The following TMPRSS9 variants were observed in gnomAD, a reference collection of about 807,000 sequenced individuals.
TMPRSS9 encodes transmembrane serine protease 9, also known as transmembrane protease serine 9.
TMPRSS9 carries 113 observed loss-of-function variants against 111.4 expected under a neutral mutation model. That is an observed-to-expected ratio of 1.01 (90% confidence interval 0.87 to 1.19). TMPRSS9 has a LOEUF of 1.19. Among genes scored for constraint, TMPRSS9 ranks in the 50% most tolerant of loss-of-function variants. TMPRSS9 has a pLI of 0.00. For missense variants in TMPRSS9, 1,803 were observed against 1,513.1 expected (o/e 1.19, Z -3.18); for synonymous variants, 805 against 659.1 (o/e 1.22, Z -3.39).
intron 1 of TMPRSS9, among the ~76,000 whole-genome samples, chr19:2,362,847 G>A (rs1051862720): frequency 7.9e-5 from 12 of 151,652 alleles, no homozygotes; most frequent in African/African-American, 2.9e-4. Context: ...GGTGTGTGTG[G>A]TTGTGGTGTG....
At chr19:2,393,168 C>T (rs747048963) in intron 1 of TMPRSS9, among the ~76,000 whole-genome samples, 2 of 152,144 alleles carry the variant, frequency 1.3e-5, no homozygotes, top group Non-Finnish European at 1.5e-5. Context: ...GCTTGGGGAC[C>T]TTTTCACAGT....
intron 6 of TMPRSS9, among the ~76,000 whole-genome samples, chr19:2,403,692 A>G (rs1970904315): frequency 6.8e-6 from 1 of 146,880 alleles, no homozygotes; most frequent in Non-Finnish European, 1.5e-5. Flanking sequence ...CCCCATCTCT[A>G]CTAAAAAAAA....
intron 1 of TMPRSS9, among the ~76,000 whole-genome samples, chr19:2,378,326 T>A (rs1281270595): frequency 1.3e-5 from 2 of 152,208 alleles, no homozygotes; most frequent in African/African-American, 4.8e-5. Flanking sequence ...GACATGAGAC[T>A]TTCAGTGCTG....
intron 9 of TMPRSS9, among the ~76,000 whole-genome samples, chr19:2,410,741 T>G (rs900823071): frequency 4.6e-5 from 7 of 151,982 alleles, no homozygotes; most frequent in Admixed American, 2.6e-4. Context: ...CTGAGTAATC[T>G]CCCTGGCTAT....
chr19:2,389,696 C>T (rs975458298), upstream of TMPRSS9: 4 of 1,479,188 alleles, frequency 2.7e-6, no homozygotes, highest in Non-Finnish European at 3.6e-6. Context: ...GCAACCCTTG[C>T]TTATGGGAAG....
Position 2,408,355 on chromosome 19 carries a change from G to C in TMPRSS9, c.843-1G>C, listed in dbSNP as rs1369011201. The C allele has an allele frequency of 6.2e-7, 1 of 1,611,396 alleles. No individual in the cohort carries two copies. Among genetic ancestry groups the C allele is most frequent in the Non-Finnish European group, 8.5e-7 (1 of 1,178,094 alleles). On this transcript the variant is annotated splice_acceptor_variant, in intron 7 of 17. Coordinates refer to ENST00000648592, the Ensembl canonical transcript of TMPRSS9. LOFTEE classifies it high-confidence loss of function. ...TTCTGAGCTGGGGTTTGCTCCTGCA[G>C]GTTCCAAGACCCGACGAAGTGGGTG...
intron 9 of TMPRSS9, among the ~76,000 whole-genome samples, chr19:2,412,354 A>G (rs543604772): frequency 1.3e-5 from 2 of 152,156 alleles, no homozygotes; most frequent in African/African-American, 4.8e-5. Flanking sequence ...CAGTAAGCCA[A>G]GATCACGCCA....
At chr19:2,369,597 A>ATTTTTTT (rs71178266) in intron 1 of TMPRSS9, among the ~76,000 whole-genome samples, 2 of 110,382 alleles carry the variant, frequency 1.8e-5, no homozygotes, top group Non-Finnish European at 1.8e-5. Context: ...CTAATTTGTA[A>ATTTTTTT]TTTTTTTTTT....
chr19:2,425,647 T>C, intron 17 of TMPRSS9, 154 bp downstream of exon 18: 1 of 1,349,246 alleles, frequency 7.4e-7, no homozygotes, highest in Admixed American at 3.2e-5. Context: ...TGGAGGAATT[T>C]CCACTCCACA....
chr19:2,363,797 TGTGTGTGCGTGCGCGC>T, intron 1 of TMPRSS9, among the ~76,000 whole-genome samples: 1 of 130,770 alleles, frequency 7.6e-6, no homozygotes, highest in African/African-American at 2.9e-5. Context: ...TGAGTGTGTG[TGTGTGTGCGTGCGCGC>T]GTGTGTGTGT....
intron 1 of TMPRSS9, among the ~76,000 whole-genome samples, chr19:2,371,813 C>T (rs895790447): frequency 6.6e-6 from 1 of 152,168 alleles, no homozygotes; most frequent in African/African-American, 2.4e-5. Flanking sequence ...GGGACTCTCA[C>T]CCCATCACCA....
chr19:2,408,717 C>A, intron 8 of TMPRSS9, 87 bp downstream of exon 9: 1 of 1,515,714 alleles, frequency 6.6e-7, no homozygotes, highest in Non-Finnish European at 8.9e-7. Flanking sequence ...TGGCTCACGC[C>A]TGTCATCCCA....
At chr19:2,408,463 TGTACAACGCGGACAC>T in exon 8 of TMPRSS9, 4 of 1,613,906 alleles carry the variant, frequency 2.5e-6, no homozygotes, top group Non-Finnish European at 3.4e-6. Flanking sequence ...AAGCACCCCC[TGTACAACGCGGACAC>T]GGCCGACTTT....
At chr19:2,379,968 C>T (rs1185325045) in intron 1 of TMPRSS9, among the ~76,000 whole-genome samples, 2 of 151,810 alleles carry the variant, frequency 1.3e-5, no homozygotes, top group South Asian at 4.2e-4. Context: ...AAGCTGGTCT[C>T]GACCTCCCAT....
chr19:2,407,150 G>A lies in TMPRSS9; in HGVS notation c.843-1206G>A, dbSNP rs1347977967. On this transcript the variant is annotated intron_variant, in intron 7 of 17. Transcript: ENST00000648592. ...GATTTTTGGCAACTCTTTAAATTTT[G>A]TGCCCAAGGCTCATGGCTGGCTCCC... Among the ~76,000 whole-genome samples the A allele has an allele frequency of 1.3e-4, 20 of 151,708 alleles. No homozygotes were observed. The Admixed American group carries it at 1.3e-3, about 10-fold the overall frequency.
At chr19:2,410,311 C>T in exon 9 of TMPRSS9, 1 of 1,614,098 alleles carries the variant, frequency 6.2e-7, no homozygotes. Flanking sequence ...GGACCAGGCA[C>T]TGTGTGCCAG....
At chr19:2,403,253 C>G in intron 6 of TMPRSS9, 58 bp downstream of exon 7, 2 of 1,406,782 alleles carry the variant, frequency 1.4e-6, no homozygotes, top group Non-Finnish European at 2.0e-6. Context: ...GGGTCAGCTG[C>G]TGGCTCTGGT....
At chr19:2,418,296 CTTCCCTCCCT>C (rs1260713779) in intron 13 of TMPRSS9, among the ~76,000 whole-genome samples, 158 bp downstream of exon 14, 7 of 94,810 alleles carry the variant, frequency 7.4e-5, no homozygotes, top group Non-Finnish European at 1.4e-4. Context: ...TCCTCCTTTC[CTTCCCTCCCT>C]TTCCCTCCCT....
chr19:2,422,000 G>A, exon 14 of TMPRSS9: 2 of 1,613,134 alleles, frequency 1.2e-6, no homozygotes, highest in Non-Finnish European at 1.7e-6. Context: ...GGATCCTGGA[G>A]ATCATGTCCT....
Sources: gnomAD v4.1 joint callset for allele counts (sites outside exome capture counted in the v4.1 genomes callset) on GRCh38, gnomAD v4.1.1 for gene constraint, MANE v1.5 for transcripts, NCBI Gene and HGNC (gene_info 2026-07-23, HGNC 2026-07-21) for gene names.